KIAA1328: variants seen among roughly 807,000 people sequenced by gnomAD.
KIAA1328 encodes the protein KIAA1328, also known as protein hinderin.
KIAA1328 carries 52 observed loss-of-function variants against 68.1 expected under a neutral mutation model. That is an observed-to-expected ratio of 0.76 (90% confidence interval 0.61 to 0.96). The LOEUF is 0.96. Ranked by LOEUF, KIAA1328 falls within the 40% of genes least tolerant of loss-of-function variation. The pLI is 0.00. For missense variants in KIAA1328, 641 were observed against 677.6 expected (o/e 0.95, Z 0.60); for synonymous variants, 232 against 239.4 (o/e 0.97, Z 0.28).
In KIAA1328 at chr18:36,953,995, C is replaced by CTTTTTTTTTTT. The variant is rs71168249; in HGVS notation, c.449-5305_449-5295dup. Among the ~76,000 whole-genome samples, 360 of 113,512 alleles carry CTTTTTTTTTTT rather than the reference C, an allele frequency of 3.2e-3. 18 individuals carry two copies. The highest frequency in any genetic ancestry group is 7.1e-3 in the Middle Eastern group (1 of 140). The allele number at this position is 113,512 out of a possible 152,430, so 74.5% of individuals were successfully genotyped here. ...ATATATTGAATTTGTCTGATTGTTT[C>CTTTTTTTTTTT]TTTTTTTTTTTTTTTTTTGAGACGG... On this transcript the variant is annotated intron_variant, in intron 5 of 9. Transcript: ENST00000280020.
chr18:36,987,463 T>A (rs1393198586), intron 6 of KIAA1328, among the ~76,000 whole-genome samples: 2 of 137,180 alleles, frequency 1.5e-5, no homozygotes, highest in Admixed American at 1.6e-4. Context: ...TGTGCACATG[T>A]ACCCTAAAAC....
chr18:36,876,281 C>CA (rs565025443), intron 4 of KIAA1328, among the ~76,000 whole-genome samples: 3 of 151,988 alleles, frequency 2.0e-5, no homozygotes, highest in Non-Finnish European at 2.9e-5. Flanking sequence ...ATTTGGCTGT[C>CA]AATCAGTCTG....
intron 5 of KIAA1328, among the ~76,000 whole-genome samples, chr18:36,904,875 C>G (rs1030275686): frequency 2.6e-5 from 4 of 151,664 alleles, no homozygotes; most frequent in African/African-American, 9.7e-5. Flanking sequence ...TGGCTCTGTT[C>G]TGTATTTAGT....
intron 6 of KIAA1328, among the ~76,000 whole-genome samples, chr18:36,960,229 C>T (rs889669470): frequency 3.9e-5 from 6 of 152,206 alleles, no homozygotes; most frequent in Non-Finnish European, 7.3e-5. Flanking sequence ...CTGAGATCAA[C>T]CTATGAGGCT....
chr18:36,994,457 T>C (rs1260286121), intron 6 of KIAA1328, among the ~76,000 whole-genome samples: 1 of 152,206 alleles, frequency 6.6e-6, no homozygotes, highest in Non-Finnish European at 1.5e-5. Flanking sequence ...CATGTATTTC[T>C]TTAGAAGATA....
At chr18:36,931,299 C>T (rs961673324) in intron 5 of KIAA1328, among the ~76,000 whole-genome samples, 1 of 152,036 alleles carries the variant, frequency 6.6e-6, no homozygotes, top group African/African-American at 2.4e-5. Flanking sequence ...AGCTGGTGAG[C>T]GAGCATTACT....
At chr18:37,148,776 GT>G (rs1191875807) in intron 7 of KIAA1328, among the ~76,000 whole-genome samples, 1 of 152,184 alleles carries the variant, frequency 6.6e-6, no homozygotes. Flanking sequence ...CTTTTGAGAA[GT>G]GTGTATTCAT....
chr18:36,833,668 G>GATCCACC (rs2150760071), intron 1 of KIAA1328, among the ~76,000 whole-genome samples: 2 of 152,344 alleles, frequency 1.3e-5, no homozygotes, highest in South Asian at 4.1e-4. Context: ...GAGAGGAAAA[G>GATCCACC]TTGAGTTGGA....
chr18:37,013,021 T>C (rs916984300), intron 6 of KIAA1328, among the ~76,000 whole-genome samples: 1 of 152,188 alleles, frequency 6.6e-6, no homozygotes, highest in Non-Finnish European at 1.5e-5. Context: ...ATTGTTTATT[T>C]CTGCTGACGT....
chr18:36,929,689 A>T (rs189840693), intron 5 of KIAA1328, among the ~76,000 whole-genome samples: 3 of 152,160 alleles, frequency 2.0e-5, no homozygotes, highest in African/African-American at 4.8e-5. Flanking sequence ...TAGTGTCCTT[A>T]TAAAAGAGGC....
At chr18:37,206,488 G>A (rs761739267) in intron 9 of KIAA1328, among the ~76,000 whole-genome samples, 1 of 152,096 alleles carries the variant, frequency 6.6e-6, no homozygotes. Flanking sequence ...TCTTGTGGGG[G>A]TCCTGTCTTT....
chr18:36,918,165 TC>T (rs928570003), intron 5 of KIAA1328, among the ~76,000 whole-genome samples: 40 of 151,990 alleles, frequency 2.6e-4, no homozygotes, highest in African/African-American at 8.9e-4. Flanking sequence ...TAATAAATAT[TC>T]CCCCCCTTTT....
At chr18:37,032,430 T>C (rs1308072528) in intron 6 of KIAA1328, among the ~76,000 whole-genome samples, 1 of 152,148 alleles carries the variant, frequency 6.6e-6, no homozygotes, top group Admixed American at 6.5e-5. Context: ...TTATAGATCC[T>C]AGTTTTCATC....
chr18:37,069,588 G>C (rs1158963359), intron 7 of KIAA1328, among the ~76,000 whole-genome samples: 1 of 151,944 alleles, frequency 6.6e-6, no homozygotes, highest in Admixed American at 6.6e-5. Context: ...GTGTAGAATT[G>C]GTGTTAATTC....
At chr18:36,928,324 T>C (rs1003259006) in intron 5 of KIAA1328, among the ~76,000 whole-genome samples, 4 of 152,308 alleles carry the variant, frequency 2.6e-5, no homozygotes, top group East Asian at 3.9e-4. Flanking sequence ...GACTCTGGTG[T>C]GACACTGCTG....
chr18:37,027,029 T>A (rs556379758), intron 6 of KIAA1328, among the ~76,000 whole-genome samples: 20 of 152,306 alleles, frequency 1.3e-4, no homozygotes, highest in South Asian at 1.0e-3. Flanking sequence ...GCAAAGTCTC[T>A]GGATACAAAA....
intron 6 of KIAA1328, among the ~76,000 whole-genome samples, chr18:37,045,240 G>A (rs928186719): frequency 1.3e-5 from 2 of 152,114 alleles, no homozygotes; most frequent in South Asian, 2.1e-4. Flanking sequence ...ACTCCTGTAT[G>A]GCTGCTAGAA....
intron 6 of KIAA1328, among the ~76,000 whole-genome samples, chr18:36,973,046 T>C (rs2052296277): frequency 6.6e-6 from 1 of 152,194 alleles, no homozygotes; most frequent in African/African-American, 2.4e-5. Flanking sequence ...TTTAAAAATA[T>C]TTTGCTTTTT....
At chr18:37,172,699 G>A (rs1356402598) in intron 8 of KIAA1328, among the ~76,000 whole-genome samples, 1 of 152,202 alleles carries the variant, frequency 6.6e-6, no homozygotes, top group African/African-American at 2.4e-5. Flanking sequence ...AGTAAACCAA[G>A]ATCAGCAGGG....
Sources: gnomAD v4.1 joint callset for allele counts (sites outside exome capture counted in the v4.1 genomes callset) on GRCh38, gnomAD v4.1.1 for gene constraint, MANE v1.5 for transcripts, NCBI Gene and HGNC (gene_info 2026-07-23, HGNC 2026-07-21) for gene names.